DYTN: variants seen among roughly 807,000 people sequenced by gnomAD.
DYTN encodes the protein dystrotelin.
Under a neutral mutation model 69.6 loss-of-function variants are expected in DYTN, and 75 were observed. The observed-to-expected ratio is 1.08, with a 90% confidence interval of 0.89 to 1.31. The LOEUF (loss-of-function observed/expected upper bound fraction) is 1.31, where lower values mean the gene tolerates loss of function less well. Among genes scored for constraint, DYTN ranks in the 50% most tolerant of loss-of-function variants. The pLI, the probability that DYTN is intolerant of heterozygous loss-of-function variation, is 0.00. For missense variants in DYTN, 726 were observed against 688.4 expected (o/e 1.05, Z -0.61); for synonymous variants, 252 against 249.1 (o/e 1.01, Z -0.11).
intron 1 of DYTN, among the ~76,000 whole-genome samples, chr2:206,712,097 A>G (rs1025056507): frequency 6.6e-6 from 1 of 152,210 alleles, no homozygotes; most frequent in Non-Finnish European, 1.5e-5. Flanking sequence ...TATTGTTGGT[A>G]TAAACCAGTA....
chr2:206,668,529 G>A (rs566161698), intron 9 of DYTN, among the ~76,000 whole-genome samples: 94 of 152,178 alleles, frequency 6.2e-4, no homozygotes, highest in African/African-American at 2.2e-3. Context: ...CCTTTCAAAC[G>A]ACATAAAATC....
chr2:206,706,900 TAA>T (rs199983044), intron 3 of DYTN, among the ~76,000 whole-genome samples: 9 of 119,726 alleles, frequency 7.5e-5, no homozygotes, highest in African/African-American at 6.1e-5. Flanking sequence ...TTATTCTAGC[TAA>T]AAAAAAAAAA....
intron 11 of DYTN, among the ~76,000 whole-genome samples, chr2:206,662,289 C>A (rs1047698682): frequency 1.3e-5 from 2 of 152,164 alleles, no homozygotes; most frequent in African/African-American, 4.8e-5. Context: ...TTTCAACTTA[C>A]ATTGCATTTA....
chr2:206,705,906 G>C, intron 3 of DYTN, 33 bp from the exon 4 acceptor site: 1 of 1,605,290 alleles, frequency 6.2e-7, no homozygotes, highest in Non-Finnish European at 8.5e-7. Flanking sequence ...GACAAGAATG[G>C]GAAGGCCAGG....
chr2:206,710,980 C>A (rs966950591), intron 1 of DYTN, among the ~76,000 whole-genome samples: 9 of 152,176 alleles, frequency 5.9e-5, no homozygotes, highest in African/African-American at 1.7e-4. Context: ...AAAAAGACTC[C>A]AAAGCTATCC....
intron 2 of DYTN, among the ~76,000 whole-genome samples, chr2:206,708,504 G>A (rs1700048596): frequency 1.3e-5 from 2 of 152,174 alleles, no homozygotes; most frequent in African/African-American, 4.8e-5. Flanking sequence ...AGGAACAGAG[G>A]AACAAGTTTC....
chr2:206,707,595 A>G, intron 2 of DYTN, 92 bp from the exon 3 acceptor site: 1 of 1,307,892 alleles, frequency 7.6e-7, no homozygotes. Context: ...TTTATAATTA[A>G]GACTTTTTAT....
At chr2:206,655,487 G>A (rs535560307) in intron 11 of DYTN, among the ~76,000 whole-genome samples, 36 of 152,044 alleles carry the variant, frequency 2.4e-4, no homozygotes, top group African/African-American at 7.2e-4. Context: ...ACAGCTCACC[G>A]AAGCCTTGAT....
intron 9 of DYTN, among the ~76,000 whole-genome samples, chr2:206,691,140 C>T (rs1215564765): frequency 6.6e-5 from 10 of 152,070 alleles, no homozygotes; most frequent in African/African-American, 1.9e-4. Flanking sequence ...AGGCCGGGCA[C>T]GGTGGCTCAC....
At chr2:206,659,717 G>A (rs889673575) in intron 11 of DYTN, among the ~76,000 whole-genome samples, 26 of 151,992 alleles carry the variant, frequency 1.7e-4, no homozygotes, top group African/African-American at 6.0e-4. Context: ...GCGTATTTTA[G>A]TAATCCAAAT....
Position 206,665,976 on chromosome 2 carries a change from G to T in DYTN, c.1034C>A (p.Thr345Asn). Residue 345 changes from threonine to asparagine, a missense_variant, in exon 10 of 12, where the codon ACC becomes AAC. Physicochemically the swap from Thr to Asn is moderately conservative, Grantham distance 65. Coordinates refer to ENST00000452335, the MANE Select transcript of DYTN (RefSeq NM_001093730.1). ...TCGACAAATTCTTTCTTCCTGGGAG[G>T]TGTATATAGCTTGCAACTTGTCTTT... is the stretch of plus-strand genomic sequence containing the variant. Reference protein sequence around the residue: ...QYKDKLQAIYTSQEERICRFE... With the variant: ...QYKDKLQAIYNSQEERICRFE... The T allele has an allele frequency of 6.2e-7, 1 of 1,613,932 alleles. No individual in the cohort carries two copies. The highest frequency in any genetic ancestry group is 8.5e-7 in the Non-Finnish European group (1 of 1,179,866).
At chr2:206,696,483 G>A (rs1211571230) in intron 7 of DYTN, among the ~76,000 whole-genome samples, 1 of 152,156 alleles carries the variant, frequency 6.6e-6, no homozygotes, top group Admixed American at 6.5e-5. Flanking sequence ...AATGTGGGAT[G>A]ATATAATAGC....
chr2:206,667,671 T>C (rs975484284), intron 9 of DYTN, among the ~76,000 whole-genome samples: 2 of 151,196 alleles, frequency 1.3e-5, no homozygotes, highest in African/African-American at 4.9e-5. Flanking sequence ...GCTTATTGTC[T>C]ATTTATTCTG....
rs1035310896 is a variant in DYTN, at chr2:206,666,090, C to T, written c.981-61G>A. On this transcript the variant is annotated intron_variant, in intron 9 of 11. Transcript: ENST00000452335. Reference sequence around the variant, plus strand: ...CAAGAGGCCAGTACACTAATTAGAGCCCTGGTAAGATGTATTCCGGTCCTT... The same window carrying T: ...CAAGAGGCCAGTACACTAATTAGAGTCCTGGTAAGATGTATTCCGGTCCTT... The T allele has an allele frequency of 7.0e-6, 11 of 1,570,302 alleles. No homozygotes were observed. The Admixed American group carries it at 7.2e-5, about 10-fold the overall frequency.
intron 9 of DYTN, among the ~76,000 whole-genome samples, chr2:206,678,580 G>A (rs1446884727): frequency 6.6e-6 from 1 of 152,084 alleles, no homozygotes; most frequent in East Asian, 1.9e-4. Context: ...ATCATATTAT[G>A]CTTATTTAAA....
At chr2:206,685,941 TTA>T (rs1334873742) in intron 9 of DYTN, among the ~76,000 whole-genome samples, 7 of 151,168 alleles carry the variant, frequency 4.6e-5, no homozygotes, top group Non-Finnish European at 8.8e-5. Flanking sequence ...AATGTTGAAG[TTA>T]TATTGAAAAA....
At chr2:206,717,402 C>A (rs1463217466) in intron 1 of DYTN, among the ~76,000 whole-genome samples, 1 of 152,128 alleles carries the variant, frequency 6.6e-6, no homozygotes, top group African/African-American at 2.4e-5. Context: ...CACCTGGGAA[C>A]CTGTTAGAAA....
intron 11 of DYTN, among the ~76,000 whole-genome samples, chr2:206,657,292 T>A (rs565238380): frequency 6.6e-5 from 10 of 152,082 alleles, no homozygotes; most frequent in Admixed American, 6.6e-4. Context: ...TTACAAAAAT[T>A]TTTTGGTAAA....
intron 11 of DYTN, among the ~76,000 whole-genome samples, chr2:206,656,299 C>T (rs891794519): frequency 1.3e-5 from 2 of 152,138 alleles, no homozygotes; most frequent in Non-Finnish European, 2.9e-5. Context: ...ACTATAGCCA[C>T]CCCTGCTATT....
Sources: gnomAD v4.1 joint callset for allele counts (sites outside exome capture counted in the v4.1 genomes callset) on GRCh38, gnomAD v4.1.1 for gene constraint, MANE v1.5 for transcripts, NCBI Gene and HGNC (gene_info 2026-07-23, HGNC 2026-07-21) for gene names.